The following PRDM16 variants were observed in gnomAD, a reference collection of about 807,000 sequenced individuals.
PRDM16 encodes PR/SET domain 16.
Under a neutral mutation model 110.6 loss-of-function variants are expected in PRDM16, and 23 were observed. That is an observed-to-expected ratio of 0.21 (90% CI 0.15 to 0.29). The LOEUF (loss-of-function observed/expected upper bound fraction) is 0.29. PRDM16 is among the 10% of genes least tolerant of loss of function. The pLI is 1.00. For synonymous variants in PRDM16, 799 were observed against 781.8 expected (o/e 1.02, Z -0.37); for missense variants, 1,615 against 1,794.3 (o/e 0.90, Z 1.81).
At chr1:3,341,811 C>T (rs951977298) in intron 3 of PRDM16, among the ~76,000 whole-genome samples, 8 of 152,374 alleles carry the variant, frequency 5.3e-5, no homozygotes, top group Middle Eastern at 3.4e-3. Flanking sequence ...CGCTCTGCAG[C>T]GCACTGTGTG....
At chr1:3,268,210 G>T (rs144786608) in intron 3 of PRDM16, among the ~76,000 whole-genome samples, 1 of 152,202 alleles carries the variant, frequency 6.6e-6, no homozygotes, top group African/African-American at 2.4e-5. Context: ...CCGGCTCGGC[G>T]CGCGTCAGAC....
intron 3 of PRDM16, among the ~76,000 whole-genome samples, chr1:3,346,009 G>A (rs146228388): frequency 3.9e-5 from 6 of 152,352 alleles, no homozygotes; most frequent in African/African-American, 1.2e-4. Context: ...GCCTGTGAGC[G>A]TGCATATCAA....
At chr1:3,098,870 G>T (rs1021971198) in intron 1 of PRDM16, among the ~76,000 whole-genome samples, 1 of 152,188 alleles carries the variant, frequency 6.6e-6, no homozygotes, top group South Asian at 2.1e-4. Context: ...TCCTGCAGGC[G>T]AGGCTGTGTC....
chr1:3,227,096 A>G (rs945762919), intron 2 of PRDM16, among the ~76,000 whole-genome samples: 3 of 152,232 alleles, frequency 2.0e-5, no homozygotes, highest in African/African-American at 7.2e-5. Flanking sequence ...ACGAACATCC[A>G]CGCTCTTTCC....
intron 2 of PRDM16, among the ~76,000 whole-genome samples, chr1:3,203,778 A>G (rs1638686809): frequency 1.3e-5 from 2 of 151,836 alleles, no homozygotes; most frequent in Admixed American, 1.3e-4. Flanking sequence ...ATCTCCCAAG[A>G]CCCTGTTTCC....
intron 2 of PRDM16, among the ~76,000 whole-genome samples, chr1:3,197,825 CCA>C (rs1638518341): frequency 6.6e-6 from 1 of 152,132 alleles, no homozygotes; most frequent in Non-Finnish European, 1.5e-5. Flanking sequence ...GCGTTCCAGG[CCA>C]CAGAGGTCTC....
intron 1 of PRDM16, among the ~76,000 whole-genome samples, chr1:3,151,941 C>T (rs1643782196): frequency 6.6e-6 from 1 of 152,202 alleles, no homozygotes; most frequent in Admixed American, 6.5e-5. Context: ...CCGAGACATC[C>T]CACTCTTGGA....
intron 1 of PRDM16, among the ~76,000 whole-genome samples, chr1:3,136,985 T>G (rs1643451605): frequency 6.6e-6 from 1 of 152,160 alleles, no homozygotes; most frequent in South Asian, 2.1e-4. Context: ...GGAGAGGGCT[T>G]GGCCCTGGGG....
At chr1:3,266,005 C>T (rs56042628) in intron 3 of PRDM16, among the ~76,000 whole-genome samples, 4,565 of 152,282 alleles carry the variant, frequency 0.03, 100 homozygotes, top group Middle Eastern at 0.085. Context: ...CGCCACCTGG[C>T]CCCTCTTTCC....
intron 1 of PRDM16, among the ~76,000 whole-genome samples, chr1:3,096,327 C>T (rs1446057619): frequency 6.6e-6 from 1 of 152,186 alleles, no homozygotes; most frequent in Non-Finnish European, 1.5e-5. Flanking sequence ...ACCCCGCGGG[C>T]CCCTTCCTCA....
chr1:3,266,328 C>A (rs1640291083), intron 3 of PRDM16, among the ~76,000 whole-genome samples: 1 of 152,304 alleles, frequency 6.6e-6, no homozygotes, highest in South Asian at 2.1e-4. Context: ...CAGGGGTGGC[C>A]CAAGGCCGGC....
intron 4 of PRDM16, 51 bp downstream of exon 4, chr1:3,385,337 G>A: frequency 6.3e-7 from 1 of 1,597,080 alleles, no homozygotes; most frequent in Non-Finnish European, 8.6e-7. Context: ...TTGTCCCTGA[G>A]GATGTGGCAC....
In PRDM16 at chr1:3,417,950, G is replaced by T; in HGVS notation, c.2814G>T (p.Thr938=). Residue 938 remains threonine (T), a synonymous_variant, in exon 11 of 17, where the codon ACG becomes ACT. Coordinates refer to ENST00000270722, the MANE Select transcript of PRDM16 (RefSeq NM_022114.4). ...HPFNFRSPPP[T]LSDPILRKGK... ...TCAACTTCCGGTCCCCACCCCCAACGCTCTCCGACCCCATCCTCAGGAAGG... is the reference window on the plus strand; with the variant it reads ...TCAACTTCCGGTCCCCACCCCCAACTCTCTCCGACCCCATCCTCAGGAAGG... The T allele has an allele frequency of 7.1e-7, 1 of 1,415,462 alleles. No homozygotes were observed. Among genetic ancestry groups the T allele is most frequent in the Non-Finnish European group, 9.5e-7 (1 of 1,054,636 alleles). The allele number at this position is 1,415,462 out of a possible 1,614,324, so 87.7% of individuals were successfully genotyped here.
intron 3 of PRDM16, among the ~76,000 whole-genome samples, chr1:3,366,312 G>C (rs1389241700): frequency 1.3e-5 from 2 of 152,252 alleles, no homozygotes; most frequent in South Asian, 2.1e-4. Flanking sequence ...ACTCCGGGAC[G>C]CGCTGATGTC....
intron 1 of PRDM16, among the ~76,000 whole-genome samples, chr1:3,108,240 T>C (rs1257661869): frequency 6.6e-6 from 1 of 152,210 alleles, no homozygotes; most frequent in African/African-American, 2.4e-5. Flanking sequence ...CTATTCCCAA[T>C]CCAAATTATC....
chr1:3,124,021 T>C (rs886329666), intron 1 of PRDM16, among the ~76,000 whole-genome samples: 2 of 152,180 alleles, frequency 1.3e-5, no homozygotes, highest in Non-Finnish European at 2.9e-5. Context: ...CCAGGCTTTG[T>C]GTGGAATGAC....
intron 3 of PRDM16, among the ~76,000 whole-genome samples, chr1:3,316,428 C>T (rs911404390): frequency 6.6e-6 from 1 of 152,206 alleles, no homozygotes; most frequent in Non-Finnish European, 1.5e-5. Context: ...AGAATGGGCA[C>T]TTATGAAGTG....
At chr1:3,153,016 AGAG>A (rs1290426986) in intron 1 of PRDM16, among the ~76,000 whole-genome samples, 1 of 152,228 alleles carries the variant, frequency 6.6e-6, no homozygotes, top group Admixed American at 6.5e-5. Flanking sequence ...TCACCAGACC[AGAG>A]GAGTGAACCA....
At chr1:3,233,989 G>A (rs1380721217) in intron 2 of PRDM16, among the ~76,000 whole-genome samples, 1 of 152,082 alleles carries the variant, frequency 6.6e-6, no homozygotes, top group African/African-American at 2.4e-5. Flanking sequence ...TGGGCACAGG[G>A]CCCACTGCTC....
Sources: allele counts gnomAD v4.1 joint callset (sites outside exome capture counted in the v4.1 genomes callset), GRCh38; gene constraint gnomAD v4.1.1; transcripts MANE v1.5; gene names NCBI Gene and HGNC (gene_info 2026-07-23, HGNC 2026-07-21).